The following TENM1 variants were observed in gnomAD, a reference collection of about 807,000 sequenced individuals.
TENM1 encodes the protein teneurin-1.
TENM1 carries 35 observed loss-of-function variants against 174.8 expected under a neutral mutation model. That is an observed-to-expected ratio of 0.20 (90% CI 0.15 to 0.27). The LOEUF (loss-of-function observed/expected upper bound fraction) is 0.27, where lower values mean the gene tolerates loss of function less well. Among genes scored for constraint, TENM1 ranks in the 10% least tolerant of loss-of-function variants. TENM1 has a pLI of 1.00. For missense variants in TENM1, 1,633 were observed against 2,130.1 expected, an observed-to-expected ratio of 0.77 and a Z score of 4.59; for synonymous variants, 781 against 798.7, an observed-to-expected ratio of 0.98 and a Z score of 0.37.
At chrX:124,763,738 A>G (rs759744979) in intron 3 of TENM1, among the ~76,000 whole-genome samples, 8 of 112,106 alleles carry the variant, frequency 7.1e-5, no homozygotes, top group Non-Finnish European at 1.5e-4. Flanking sequence ...GAATCAGGTA[A>G]TAGGCACAGA....
intron 15 of TENM1, among the ~76,000 whole-genome samples, chrX:124,542,335 G>C (rs948615608): frequency 6.2e-5 from 7 of 112,113 alleles, no homozygotes; most frequent in African/African-American, 2.3e-4. Context: ...ACAATTCAGA[G>C]CTAACATTGT....
At chrX:124,967,387 G>A (rs1569491360), upstream of TENM1, among the ~76,000 whole-genome samples, 1 of 111,151 alleles carries the variant, frequency 9.0e-6, no homozygotes, top group African/African-American at 3.3e-5. Context: ...TTCACCTAAC[G>A]TCTAAACAGG....
the TENM1 span, among the ~76,000 whole-genome samples, chrX:125,072,998 A>G: frequency 3.6e-5 from 4 of 111,327 alleles, no homozygotes; most frequent in Non-Finnish European, 5.7e-5. Flanking sequence ...ACATGCCTCA[A>G]TAGGGACTCA....
intron 6 of TENM1, among the ~76,000 whole-genome samples, chrX:124,657,192 T>C (rs1382265873): frequency 8.9e-6 from 1 of 112,064 alleles, no homozygotes; most frequent in Non-Finnish European, 1.9e-5. Flanking sequence ...TCTCCAGTTA[T>C]AGAACACTTC....
the TENM1 span, among the ~76,000 whole-genome samples, chrX:125,154,263 T>TG: frequency 8.9e-6 from 1 of 112,043 alleles, no homozygotes; most frequent in Non-Finnish European, 1.9e-5. Context: ...ATATTTAAAT[T>TG]GGAGTCATAA....
intron 1 of TENM1, among the ~76,000 whole-genome samples, chrX:124,909,233 T>C (rs1303533823): frequency 8.9e-6 from 1 of 112,384 alleles, no homozygotes; most frequent in African/African-American, 3.2e-5. Flanking sequence ...GTCACACAGA[T>C]ACCAACTGGC....
chrX:124,662,455 GAAAAAAAAAAAA>G (rs1224806453), intron 6 of TENM1, among the ~76,000 whole-genome samples: 1 of 31,040 alleles, frequency 3.2e-5, no homozygotes, highest in African/African-American at 8.6e-5. Flanking sequence ...CTTCATCTCA[GAAAAAAAAAAAA>G]AAAAAAAAAG....
At chrX:124,439,583 G>A (rs995023888) in intron 23 of TENM1, among the ~76,000 whole-genome samples, 16 of 111,533 alleles carry the variant, frequency 1.4e-4, no homozygotes, top group African/African-American at 5.2e-4. Flanking sequence ...GAACATGTTT[G>A]CTACAGCCCA....
At chrX:124,508,525 A>C (rs754610732) in intron 18 of TENM1, among the ~76,000 whole-genome samples, 5 of 112,269 alleles carry the variant, frequency 4.5e-5, no homozygotes, top group Non-Finnish European at 7.5e-5. Context: ...TCCCTGACTT[A>C]AGATCTTTAC....
At chrX:124,404,880 A>G in intron 27 of TENM1, 151 bp downstream of exon 30, 1 of 492,559 alleles carries the variant, frequency 2.0e-6, no homozygotes, top group Non-Finnish European at 3.5e-6. Context: ...GAATTAGTAT[A>G]TCATATAAGC....
At chrX:124,662,464 A>C (rs896989936) in intron 6 of TENM1, among the ~76,000 whole-genome samples, 14 of 108,331 alleles carry the variant, frequency 1.3e-4, no homozygotes, top group African/African-American at 4.7e-4. Context: ...AGAAAAAAAA[A>C]AAAAAAAAAA....
the TENM1 span, among the ~76,000 whole-genome samples, chrX:125,126,269 C>T: frequency 2.7e-5 from 3 of 111,451 alleles, no homozygotes; most frequent in Admixed American, 9.6e-5. Context: ...AGCCTTGTTA[C>T]ATCAATCACC....
intron 18 of TENM1, among the ~76,000 whole-genome samples, chrX:124,515,673 C>T (rs2047686184): frequency 9.1e-6 from 1 of 109,996 alleles, no homozygotes; most frequent in Non-Finnish European, 1.9e-5. Context: ...ATTACAAAAC[C>T]ACTGCTCAGA....
At chrX:124,901,862 G>A (rs2057669795) in intron 1 of TENM1, among the ~76,000 whole-genome samples, 1 of 111,725 alleles carries the variant, frequency 9.0e-6, no homozygotes, top group Admixed American at 9.6e-5. Flanking sequence ...TGGAAGTCAA[G>A]AAGTGTGATT....
the TENM1 span, among the ~76,000 whole-genome samples, chrX:125,167,567 T>A: frequency 3.1e-4 from 34 of 111,314 alleles, no homozygotes; most frequent in African/African-American, 1.1e-3. Flanking sequence ...TTCCTTCTTG[T>A]TAATTCATAA....
At chrX:125,186,902 C>T in the TENM1 span, among the ~76,000 whole-genome samples, 1 of 112,217 alleles carries the variant, frequency 8.9e-6, no homozygotes, top group Non-Finnish European at 1.9e-5. Context: ...TTGAGAGATA[C>T]ACTTCTTCCT....
chrX:125,199,055 T>G, the TENM1 span, among the ~76,000 whole-genome samples: 1 of 111,892 alleles, frequency 8.9e-6, no homozygotes, highest in East Asian at 2.8e-4. Flanking sequence ...GGGCATTTTA[T>G]AGTAACCCAA....
the TENM1 span, among the ~76,000 whole-genome samples, chrX:125,198,162 T>C: frequency 8.9e-6 from 1 of 112,291 alleles, no homozygotes; most frequent in Non-Finnish European, 1.9e-5. Context: ...ACAACCAGTA[T>C]GCTTTCTGGT....
At chrX:124,739,530 T>C (rs183678869) in intron 3 of TENM1, among the ~76,000 whole-genome samples, 191 of 111,731 alleles carry the variant, frequency 1.7e-3, no homozygotes, top group African/African-American at 5.9e-3. Flanking sequence ...TTTTAACAGA[T>C]AGACTGAACT....
Sources: allele counts gnomAD v4.1 joint callset (sites outside exome capture counted in the v4.1 genomes callset), GRCh38; gene constraint gnomAD v4.1.1; transcripts MANE v1.5; gene names NCBI Gene and HGNC (gene_info 2026-07-23, HGNC 2026-07-21).